Variants in STRBP observed in about 807,000 individuals in gnomAD.
STRBP encodes the protein spermatid perinuclear RNA binding protein, also known as spermatid perinuclear RNA-binding protein.
A neutral mutation model predicts 80.1 loss-of-function variants in STRBP; 13 were observed. That is an observed-to-expected ratio of 0.16 (90% CI 0.11 to 0.26). STRBP has a LOEUF of 0.26. Ranked by LOEUF, STRBP falls within the 10% of genes least tolerant of loss-of-function variation. STRBP has a pLI of 1.00. For synonymous variants in STRBP, 284 were observed against 291.2 expected (o/e 0.98, Z 0.25); for missense variants, 485 against 815.2 (o/e 0.59, Z 4.93).
rs548529003 is a variant in STRBP at position 123,264,984 on chromosome 9, C to A, written c.-302+3452G>T. On this transcript the variant is annotated intron_variant, in intron 1 of 18. Coordinates refer to ENST00000348403, the MANE Select transcript of STRBP (RefSeq NM_018387.5). ...TATATCCTACTGCTCAAATTCTCTG[C>A]CAAAAAGCAAATGAGGTCAGACATG... 1.2e-4 allele frequency among the ~76,000 whole-genome samples: 19 copies of A among 152,212 alleles called. 1 individual carries two copies. Among genetic ancestry groups the A allele is most frequent in the Middle Eastern group, 6.8e-3 (2 of 294 alleles).
chr9:123,202,912 G>A (rs1270024957), intron 2 of STRBP, among the ~76,000 whole-genome samples: 4 of 151,934 alleles, frequency 2.6e-5, no homozygotes, highest in East Asian at 1.9e-4. Flanking sequence ...TTTTAACCAC[G>A]TCCACCATAA....
At position 123,132,900 on chromosome 9, in the gene STRBP, A is replaced by C. The variant is rs756672951; in HGVS notation, c.1842T>G (p.Thr614=). Residue 614 remains threonine, a synonymous_variant, in exon 17 of 19, where the codon ACT becomes ACG. Coordinates refer to ENST00000348403, the MANE Select transcript of STRBP (RefSeq NM_018387.5). ...VQAVRGRGRG[T]LTRGAFVGAT... ...CCCCAACAAAAGCTCCCCTTGTTAGAGTTCCTCTTCCTCTGCCCCGAACAG... is the reference window on the plus strand; with the variant it reads ...CCCCAACAAAAGCTCCCCTTGTTAGCGTTCCTCTTCCTCTGCCCCGAACAG... 6.2e-7 allele frequency: 1 copy of C among 1,614,014 alleles called. No individual in the cohort carries two copies. The highest frequency in any genetic ancestry group is 1.3e-5 in the African/African-American group (1 of 74,918).
chr9:123,187,164 TA>T (rs2038732862), intron 2 of STRBP, among the ~76,000 whole-genome samples: 2 of 151,210 alleles, frequency 1.3e-5, no homozygotes, highest in South Asian at 4.2e-4. Flanking sequence ...AGTAAGACCA[TA>T]AAGTAAACAG....
chr9:123,258,872 A>G (rs572607494), intron 1 of STRBP, among the ~76,000 whole-genome samples: 8 of 152,024 alleles, frequency 5.3e-5, no homozygotes, highest in African/African-American at 1.4e-4. Flanking sequence ...AAAGAAGAGT[A>G]AGAGATGATG....
chr9:123,192,724 T>C lies in STRBP; in HGVS notation c.-164-8426A>G, dbSNP rs138647020. On this transcript the variant is annotated intron_variant, in intron 2 of 18. Coordinates refer to ENST00000348403, the MANE Select transcript of STRBP (RefSeq NM_018387.5). ...AAGTCTTGTATACCACTGTGTAAAG[T>C]TGTTTTACTATGTTTTACCATTTAC... is the stretch of plus-strand genomic sequence containing the variant. 3.6e-4 allele frequency among the ~76,000 whole-genome samples: 55 copies of C among 152,350 alleles called. No homozygotes were observed. In the East Asian group the frequency reaches 9.8e-3, roughly 27 times the overall value.
chr9:123,128,680 C>G (rs1363057503), intron 17 of STRBP, among the ~76,000 whole-genome samples: 1 of 152,214 alleles, frequency 6.6e-6, no homozygotes, highest in African/African-American at 2.4e-5. Flanking sequence ...CAAAAGAATA[C>G]TTAAAACCAC....
At chr9:123,167,242 A>AC (rs2037808365) in intron 6 of STRBP, among the ~76,000 whole-genome samples, 1 of 152,036 alleles carries the variant, frequency 6.6e-6, no homozygotes, top group Non-Finnish European at 1.5e-5. Context: ...GAAAGTTGAG[A>AC]TACTACAGGA....
chr9:123,125,627 T>A lies in STRBP; in HGVS notation c.1989A>T (p.Thr663=). ...AGAATGAGTAGTGGGGAACAGGATATGTTGGAAATTTCATAACGGGTAACA... is the reference window on the plus strand; with the variant it reads ...AGAATGAGTAGTGGGGAACAGGATAAGTTGGAAATTTCATAACGGGTAACA... ...MVLLPVMKFP[T]YPVPHYSFF is the part of the protein sequence containing the mutation. Residue 663 remains threonine, a synonymous_variant, in exon 19 of 19, where the codon ACA becomes ACT. Coordinates refer to ENST00000348403, the MANE Select transcript of STRBP (RefSeq NM_018387.5). 3 of 1,613,644 alleles carry A rather than the reference T, an allele frequency of 1.9e-6. No individual in the cohort carries two copies. The highest frequency in any genetic ancestry group is 2.5e-6 in the Non-Finnish European group (3 of 1,179,802).
intron 2 of STRBP, among the ~76,000 whole-genome samples, chr9:123,191,848 G>A (rs551840755): frequency 6.6e-6 from 1 of 152,278 alleles, no homozygotes; most frequent in Admixed American, 6.5e-5. Flanking sequence ...GGAGCCCTTA[G>A]AAGGTTTTCA....
At chr9:123,187,718 A>C (rs998689371) in intron 2 of STRBP, among the ~76,000 whole-genome samples, 6 of 152,240 alleles carry the variant, frequency 3.9e-5, no homozygotes, top group Middle Eastern at 6.8e-3. Context: ...AGTTGAGTGG[A>C]AAGTGGAAAG....
intron 16 of STRBP, among the ~76,000 whole-genome samples, chr9:123,134,900 G>A (rs1453601316): frequency 6.6e-6 from 1 of 152,154 alleles, no homozygotes; most frequent in African/African-American, 2.4e-5. Flanking sequence ...AAATCTACTT[G>A]TTTTCGACAT....
intron 3 of STRBP, among the ~76,000 whole-genome samples, chr9:123,182,200 G>C (rs532390421): frequency 1.7e-5 from 2 of 120,838 alleles, no homozygotes; most frequent in East Asian, 4.8e-4. Context: ...GGGCAACAGA[G>C]TGAGACTCCG....
chr9:123,166,428 C>G (rs1246277655), intron 6 of STRBP, among the ~76,000 whole-genome samples: 1 of 152,110 alleles, frequency 6.6e-6, no homozygotes, highest in Non-Finnish European at 1.5e-5. Context: ...AACGAGGAAA[C>G]CTACCCAAGG....
intron 6 of STRBP, among the ~76,000 whole-genome samples, chr9:123,166,548 G>A (rs1270049810): frequency 6.6e-6 from 1 of 152,164 alleles, no homozygotes; most frequent in African/African-American, 2.4e-5. Flanking sequence ...GAGCTCAGGA[G>A]TTCGAGGCCA....
intron 12 of STRBP, 80 bp downstream of exon 12, chr9:123,147,698 A>C (rs1296179058): frequency 8.2e-6 from 9 of 1,099,382 alleles, no homozygotes; most frequent in Non-Finnish European, 1.1e-5. Context: ...AAAAAAAAAA[A>C]ACCCTTCACT....
At chr9:123,127,286 A>AC (rs1399151372) in intron 18 of STRBP, among the ~76,000 whole-genome samples, 2 of 152,256 alleles carry the variant, frequency 1.3e-5, no homozygotes, top group Admixed American at 6.5e-5. Flanking sequence ...GAGAAAATGC[A>AC]CAATGCGAAG....
chr9:123,153,086 C>G (rs1368734281), intron 11 of STRBP, among the ~76,000 whole-genome samples: 1 of 151,818 alleles, frequency 6.6e-6, no homozygotes, highest in Non-Finnish European at 1.5e-5. Flanking sequence ...GGGGCAAGAA[C>G]AGAAGCAAAA....
At chr9:123,226,973 G>A (rs959165707) in intron 2 of STRBP, among the ~76,000 whole-genome samples, 2 of 152,184 alleles carry the variant, frequency 1.3e-5, no homozygotes, top group Non-Finnish European at 2.9e-5. Context: ...GGCATCACAT[G>A]AGCGAGAGAA....
intron 2 of STRBP, among the ~76,000 whole-genome samples, chr9:123,204,088 T>C (rs942977026): frequency 3.3e-5 from 5 of 152,376 alleles, no homozygotes; most frequent in Non-Finnish European, 7.3e-5. Context: ...TGGCAGATGG[T>C]GTCTTTGTTT....
Sources: gnomAD v4.1 joint callset for allele counts (sites outside exome capture counted in the v4.1 genomes callset) on GRCh38, gnomAD v4.1.1 for gene constraint, MANE v1.5 for transcripts, NCBI Gene and HGNC (gene_info 2026-07-23, HGNC 2026-07-21) for gene names.